The following SLK variants were observed in gnomAD, a reference collection of about 807,000 sequenced individuals.
The protein encoded by SLK is STE20-like serine/threonine-protein kinase.
A neutral mutation model predicts 147.7 loss-of-function variants in SLK; 67 were observed. The ratio of observed to expected loss-of-function variants is 0.45; its 90% CI spans 0.37 to 0.56. The LOEUF is 0.56. SLK is among the 20% of genes least tolerant of loss of function. The pLI, the probability that SLK is intolerant of heterozygous loss-of-function variation, is 0.00. For missense variants in SLK, 1,136 were observed against 1,438.8 expected, an observed-to-expected ratio of 0.79 and a Z score of 3.41; for synonymous variants, 441 against 475.0, an observed-to-expected ratio of 0.93 and a Z score of 0.93.
At chr10:104,019,207 C>CTT (rs1564664014) in intron 15 of SLK, 1 of 259,558 alleles carries the variant, frequency 3.9e-6, no homozygotes, top group Non-Finnish European at 7.5e-6. Flanking sequence ...GTTCAAGTAT[C>CTT]TTAAAGTATG....
At chr10:103,975,712 T>C (rs1843861342) in intron 1 of SLK, among the ~76,000 whole-genome samples, 1 of 152,226 alleles carries the variant, frequency 6.6e-6, no homozygotes, top group Admixed American at 6.5e-5. Context: ...TGCTTTATGG[T>C]ATTTTATGAA....
chr10:104,017,874 G>T (rs770429139), intron 13 of SLK, among the ~76,000 whole-genome samples: 4 of 152,198 alleles, frequency 2.6e-5, no homozygotes, highest in Admixed American at 6.5e-5. Context: ...TTCTCTCAAA[G>T]ATGCTAGTGT....
chr10:103,978,587 G>A (rs976226875), intron 1 of SLK, among the ~76,000 whole-genome samples: 1 of 152,086 alleles, frequency 6.6e-6, no homozygotes, highest in African/African-American at 2.4e-5. Context: ...ATCATTTTCA[G>A]AAGTAGTTTT....
Position 104,002,540 on chromosome 10 carries a change from TATA to T in SLK, c.1365_1367del (p.Ile455del). On this transcript the variant is annotated inframe_deletion, in exon 9 of 19. Transcript: ENST00000369755. ...CAGTCAGTGAAGGAAAAGAGAATAA[TATA>T]ATGATAACCTTAGAAACAAATATTG... 1 of 1,609,158 alleles carries T rather than the reference TATA, an allele frequency of 6.2e-7. No homozygotes were observed. Among genetic ancestry groups the T allele is most frequent in the Non-Finnish European group, 8.5e-7 (1 of 1,177,938 alleles).
intron 4 of SLK, among the ~76,000 whole-genome samples, chr10:103,996,597 A>G (rs888070393): frequency 2.0e-5 from 3 of 151,812 alleles, no homozygotes; most frequent in Non-Finnish European, 4.4e-5. Flanking sequence ...ACGGGGTTTC[A>G]CCGTGTTAGC....
chr10:103,999,436 G>T, intron 6 of SLK, 123 bp downstream of exon 6: 1 of 710,932 alleles, frequency 1.4e-6, no homozygotes, highest in Non-Finnish European at 2.3e-6. Flanking sequence ...AAGACTATAT[G>T]AATTAGAAAA....
At chr10:104,007,994 G>A (rs1417973134) in intron 11 of SLK, among the ~76,000 whole-genome samples, 183 bp from the exon 12 acceptor site, 2 of 152,050 alleles carry the variant, frequency 1.3e-5, no homozygotes, top group African/African-American at 2.4e-5. Context: ...TAGAAAAAAA[G>A]AACTCATTTT....
chr10:104,019,315 C>G (rs1844504526), intron 15 of SLK, among the ~76,000 whole-genome samples: 1 of 152,094 alleles, frequency 6.6e-6, no homozygotes, highest in Non-Finnish European at 1.5e-5. Context: ...GCTCTGTCAC[C>G]TGGGCTGGAG....
In SLK at chr10:104,025,598, A is replaced by C. The variant is rs1844587351; in HGVS notation, c.3586A>C (p.Lys1196Gln). ...KKTLEEEFAR[K>Q]LQEQEVFFKM... ...GACACTGGAAGAAGAGTTTGCCAGG[A>C]AACTACAGGAACAGGAAGTATTCTT... The change falls in exon 19 of 19, where the codon AAA (lysine) becomes CAA (glutamine). Residue 1196 changes from lysine (K) to glutamine (Q), a missense_variant. Physicochemically the swap from Lys to Gln is moderately conservative, Grantham distance 53. Transcript: ENST00000369755. 6.2e-7 allele frequency: 1 copy of C among 1,613,996 alleles called. No individual in the cohort carries two copies. The highest frequency in any genetic ancestry group is 8.5e-7 in the Non-Finnish European group (1 of 1,179,864).
At chr10:104,018,067 A>G in intron 13 of SLK, 93 bp from the exon 14 acceptor site, 1 of 1,059,568 alleles carries the variant, frequency 9.4e-7, no homozygotes, top group East Asian at 2.9e-5. Context: ...TGGTTTGGAA[A>G]TCTTGTTAAC....
intron 13 of SLK, among the ~76,000 whole-genome samples, chr10:104,014,739 T>C (rs1179943316): frequency 1.3e-5 from 2 of 152,210 alleles, no homozygotes; most frequent in African/African-American, 4.8e-5. Flanking sequence ...TTTATAGTTA[T>C]CTGATTAATA....
At chr10:103,976,607 A>G (rs1843874974) in intron 1 of SLK, among the ~76,000 whole-genome samples, 1 of 150,842 alleles carries the variant, frequency 6.6e-6, no homozygotes, top group Non-Finnish European at 1.5e-5. Context: ...CTCTATTTTG[A>G]GGTATAATTT....
intron 4 of SLK, among the ~76,000 whole-genome samples, chr10:103,994,669 A>G (rs1844143416): frequency 6.6e-6 from 1 of 152,232 alleles, no homozygotes; most frequent in Admixed American, 6.5e-5. Context: ...TATCTATGGC[A>G]TTAAAATTTT....
intron 8 of SLK, 137 bp downstream of exon 8, chr10:104,001,709 C>T (rs112917054): frequency 1.6e-5 from 14 of 883,632 alleles, no homozygotes; most frequent in South Asian, 1.2e-4. Flanking sequence ...CAAGGTTGCT[C>T]GTCGCTGCAC....
Position 104,018,880 on chromosome 10 carries a change from G to T in SLK, c.3104G>T (p.Arg1035Ile). Residue 1035 changes from arginine to isoleucine, a missense_variant, in exon 15 of 19, where the codon AGA becomes ATA. Arg to Ile is a moderately conservative substitution (Grantham distance 97). This residue lies in a region of SLK where 327 missense variants were observed against 457.5 expected (regional missense o/e 0.71). Coordinates refer to ENST00000369755, the MANE Select transcript of SLK (RefSeq NM_014720.4). Reference protein sequence around the residue: ...QQLKDQYFMQRHQLLKRHEKE... With the variant: ...QQLKDQYFMQIHQLLKRHEKE... Reference sequence around the variant, plus strand: ...CTTAAAGATCAGTATTTCATGCAAAGACATCAGCTACTTAAGCGCCACGAG... The same window carrying T: ...CTTAAAGATCAGTATTTCATGCAAATACATCAGCTACTTAAGCGCCACGAG... 6.2e-7 allele frequency: 1 copy of T among 1,604,616 alleles called. No homozygotes were observed. The highest frequency in any genetic ancestry group is 1.1e-5 in the South Asian group (1 of 88,570).
chr10:103,989,600 C>T (rs1484867909), intron 1 of SLK, among the ~76,000 whole-genome samples: 1 of 151,456 alleles, frequency 6.6e-6, no homozygotes, highest in Non-Finnish European at 1.5e-5. Context: ...TCCCGAGTAG[C>T]TGGGACTACA....
Position 104,018,817 on chromosome 10 carries a change from G to T in SLK, c.3041G>T (p.Arg1014Leu). The change falls in exon 15 of 19, where the codon CGA becomes CTA. Residue 1014 changes from arginine to leucine, a missense_variant. Transcript: ENST00000369755. ...GCTGCAATTTGGGAGCTCGAAGAACGACACTTACAAGAAAAACACCAGCTG... is the reference window on the plus strand; with the variant it reads ...GCTGCAATTTGGGAGCTCGAAGAACTACACTTACAAGAAAAACACCAGCTG... ...REAAIWELEE[R>L]HLQEKHQLLK... 1 of 1,612,702 alleles carries T rather than the reference G, an allele frequency of 6.2e-7. No homozygotes were observed. Among genetic ancestry groups the T allele is most frequent in the South Asian group, 1.1e-5 (1 of 90,610 alleles).
rs151231334 is a variant in SLK at position 103,975,598 on chromosome 10, TAA to T, written c.150+7704_150+7705del. On this transcript the variant is annotated intron_variant, in intron 1 of 18. Coordinates refer to ENST00000369755, the MANE Select transcript of SLK (RefSeq NM_014720.4). ...CATTTACATGATTCTTTTAATCCTG[TAA>T]TCATTTAATATATTCCTTTGTGTTG... Among the ~76,000 whole-genome samples the T allele has an allele frequency of 6.6e-5, 10 of 152,354 alleles. No individual in the cohort carries two copies. In the East Asian group the frequency reaches 1.9e-3, roughly 29 times the overall value.
intron 1 of SLK, among the ~76,000 whole-genome samples, chr10:103,978,678 C>G (rs1399000261): frequency 3.3e-5 from 5 of 152,112 alleles, no homozygotes; most frequent in Admixed American, 2.6e-4. Context: ...GTGTTTCTTA[C>G]TAACGTGTTT....
Sources: allele counts gnomAD v4.1 joint callset (sites outside exome capture counted in the v4.1 genomes callset), GRCh38; gene constraint gnomAD v4.1.1; regional missense constraint gnomAD v4.1.1; transcripts MANE v1.5; gene names NCBI Gene and HGNC (gene_info 2026-07-23, HGNC 2026-07-21).